Variants in RPIA observed in about 807,000 individuals in gnomAD.
The protein encoded by RPIA is ribose-5-phosphate isomerase.
RPIA carries 29 observed loss-of-function variants against 37.8 expected under a neutral mutation model. That is an observed-to-expected ratio of 0.77 (90% CI 0.57 to 1.05). The LOEUF is 1.05. Among genes scored for constraint, RPIA ranks in the 50% least tolerant of loss-of-function variants. The pLI is 0.00. For synonymous variants in RPIA, 167 were observed against 157.0 expected (o/e 1.06, Z -0.48); for missense variants, 385 against 413.6 (o/e 0.93, Z 0.60).
intron 3 of RPIA, among the ~76,000 whole-genome samples, chr2:88,710,795 C>G (rs1440306108): frequency 6.6e-6 from 1 of 152,202 alleles, no homozygotes; most frequent in Non-Finnish European, 1.5e-5. Flanking sequence ...TCTCTCCTCC[C>G]TTCTCCCTTG....
At chr2:88,695,161 G>T (rs1414380329) in intron 1 of RPIA, among the ~76,000 whole-genome samples, 1 of 152,062 alleles carries the variant, frequency 6.6e-6, no homozygotes, top group Non-Finnish European at 1.5e-5. Flanking sequence ...CTTCATCATA[G>T]CCTTTATAAG....
intron 3 of RPIA, among the ~76,000 whole-genome samples, chr2:88,722,882 A>G (rs1673151548): frequency 6.6e-6 from 1 of 152,238 alleles, no homozygotes; most frequent in Non-Finnish European, 1.5e-5. Flanking sequence ...TGTTTTTGGT[A>G]CTGCAGATGG....
chr2:88,744,847 A>G (rs1054610366), intron 8 of RPIA, among the ~76,000 whole-genome samples: 7 of 152,202 alleles, frequency 4.6e-5, no homozygotes, highest in African/African-American at 1.7e-4. Flanking sequence ...TGTGTGGAGT[A>G]TCTTTTCCCA....
At chr2:88,734,436 A>G (rs1673290624) in intron 4 of RPIA, 116 bp from the exon 5 acceptor site, 3 of 926,294 alleles carry the variant, frequency 3.2e-6, no homozygotes, top group Non-Finnish European at 5.4e-6. Flanking sequence ...GCTAAATGGG[A>G]GTACTAGAAT....
intron 3 of RPIA, among the ~76,000 whole-genome samples, chr2:88,716,848 G>A (rs1342443820): frequency 6.6e-6 from 1 of 152,208 alleles, no homozygotes; most frequent in Non-Finnish European, 1.5e-5. Context: ...ATACAAATGT[G>A]TTTGATCATT....
chr2:88,734,553 T>C lies in RPIA; in HGVS notation c.464T>C (p.Ile155Thr). 6.2e-7 allele frequency: 1 copy of C among 1,614,056 alleles called. No individual in the cohort carries two copies. ...TLSDLDRHPE[I>T]DLAIDGADEV... ...ATCTTTACCTTTCCCCCAATACAGA[T>C]CGACCTTGCCATCGATGGTGCTGAT... The change falls in exon 5 of 9, where the codon ATC (isoleucine) becomes ACC (threonine). Residue 155 changes from isoleucine (I) to threonine (T), a missense_variant and splice_region_variant. Ile to Thr is a moderately conservative substitution (Grantham distance 89). Around this residue, in one of 2 missense-constraint regions of RPIA, gnomAD observed 153 missense variants for 210.6 expected, o/e 0.73. Transcript: ENST00000283646.
chr2:88,713,262 A>C (rs1672986942), intron 3 of RPIA, among the ~76,000 whole-genome samples: 1 of 138,146 alleles, frequency 7.2e-6, no homozygotes, highest in African/African-American at 2.8e-5. Flanking sequence ...CTTGGCCTCT[A>C]GCCATCCTCC....
At position 88,736,584 on chromosome 2, in the gene RPIA, G is replaced by A. The variant is rs1673318457; in HGVS notation, c.646G>A (p.Glu216Lys). 4 of 1,613,998 alleles carry A rather than the reference G, an allele frequency of 2.5e-6. No individual in the cohort carries two copies. Among genetic ancestry groups the A allele is most frequent in the South Asian group, 1.1e-5 (1 of 91,078 alleles). Residue 216 changes from glutamate (E) to lysine (K), a missense_variant, in exon 7 of 9, where the codon GAG becomes AAG. Glu to Lys is a moderately conservative substitution (Grantham distance 56). This residue lies in a region of RPIA where 153 missense variants were observed against 210.6 expected (regional missense o/e 0.73). Coordinates refer to ENST00000283646, the MANE Select transcript of RPIA (RefSeq NM_144563.3). Reference protein sequence around the residue: ...GDQWHKGIPIEVIPMAYVPVS... With the variant: ...GDQWHKGIPIKVIPMAYVPVS... ...TCAGTGGCACAAGGGAATCCCCATC[G>A]AGGTCATCCCAATGGCCTATGTCCC...
At chr2:88,721,571 A>ACACACC (rs1450673599) in intron 3 of RPIA, among the ~76,000 whole-genome samples, 3 of 22,984 alleles carry the variant, frequency 1.3e-4, no homozygotes, top group Non-Finnish European at 2.4e-4. Flanking sequence ...ACACACACAC[A>ACACACC]CCCCCCCCCC....
At chr2:88,700,170 T>G (rs1373373273) in intron 3 of RPIA, 106 bp downstream of exon 3, 2 of 1,044,750 alleles carry the variant, frequency 1.9e-6, no homozygotes, top group Admixed American at 1.7e-5. Context: ...TTGTTCTAGG[T>G]CAGAGAGTCC....
At chr2:88,694,979 CAA>C (rs61633535) in intron 1 of RPIA, among the ~76,000 whole-genome samples, 2 of 119,106 alleles carry the variant, frequency 1.7e-5, no homozygotes, top group African/African-American at 2.9e-5. Context: ...AATAAAGTCT[CAA>C]AAAAAAAAAA....
Position 88,691,796 on chromosome 2 carries a change from G to A in RPIA, c.98G>A (p.Ser33Asn), listed in dbSNP as rs1197032808. The A allele has an allele frequency of 5.0e-6, 8 of 1,594,806 alleles. No individual in the cohort carries two copies. Among genetic ancestry groups the A allele is most frequent in the East Asian group, 2.2e-5 (1 of 44,456 alleles). ...GCGGCCTCCGGCGGAGGAGGGAACA[G>A]CTGGGACCTCCCGGGTTCCCACGTG... ...GGAASGGGGN[S>N]WDLPGSHVRL... Residue 33 changes from serine (S) to asparagine (N), a missense_variant, in exon 1 of 9, where the codon AGC becomes AAC. Physicochemically the swap from Ser to Asn is conservative, Grantham distance 46. Transcript: ENST00000283646.
At chr2:88,702,686 T>G (rs1573461268) in intron 3 of RPIA, among the ~76,000 whole-genome samples, 1 of 152,258 alleles carries the variant, frequency 6.6e-6, no homozygotes, top group South Asian at 2.1e-4. Flanking sequence ...GAGCTTTGGG[T>G]GGGGACAGAA....
chr2:88,745,264 C>A (rs1463365924), intron 8 of RPIA, among the ~76,000 whole-genome samples: 1 of 152,132 alleles, frequency 6.6e-6, no homozygotes, highest in Non-Finnish European at 1.5e-5. Context: ...AGCATTTAGG[C>A]AGTTTACATT....
chr2:88,712,452 G>A (rs1210939607), intron 3 of RPIA, among the ~76,000 whole-genome samples: 1 of 152,094 alleles, frequency 6.6e-6, no homozygotes, highest in Admixed American at 6.6e-5. Context: ...GACAACTTTA[G>A]GTAATTGTAA....
At chr2:88,706,945 A>G (rs1672905605) in intron 3 of RPIA, among the ~76,000 whole-genome samples, 1 of 152,224 alleles carries the variant, frequency 6.6e-6, no homozygotes, top group Non-Finnish European at 1.5e-5. Flanking sequence ...TAATGCTGTA[A>G]GAGTACAGTG....
chr2:88,734,034 C>T (rs1673283967), intron 4 of RPIA, among the ~76,000 whole-genome samples: 1 of 151,642 alleles, frequency 6.6e-6, no homozygotes, highest in Non-Finnish European at 1.5e-5. Flanking sequence ...TCCTCATGTC[C>T]ACTTAAAATT....
chr2:88,729,190 T>G, intron 3 of RPIA, 88 bp from the exon 4 acceptor site: 1 of 1,407,802 alleles, frequency 7.1e-7, no homozygotes, highest in Non-Finnish European at 1.0e-6. Context: ...TGGGTAGGAC[T>G]TGGGACACTT....
intron 3 of RPIA, among the ~76,000 whole-genome samples, chr2:88,720,165 T>C (rs958726203): frequency 2.6e-5 from 4 of 152,170 alleles, no homozygotes; most frequent in African/African-American, 7.2e-5. Flanking sequence ...GTCAAAGCCC[T>C]GTAACTTAAT....
Sources: gnomAD v4.1 joint callset for allele counts (sites outside exome capture counted in the v4.1 genomes callset) on GRCh38, gnomAD v4.1.1 for gene constraint, gnomAD v4.1.1 regional missense constraint, MANE v1.5 for transcripts, NCBI Gene and HGNC (gene_info 2026-07-23, HGNC 2026-07-21) for gene names.